Variants in FDFT1 observed in about 807,000 individuals in gnomAD.
FDFT1 encodes the protein squalene synthase.
Under a neutral mutation model 46.8 loss-of-function variants are expected in FDFT1, and 68 were observed. The observed-to-expected ratio is 1.45, with a 90% CI of 1.19 to 1.78. The LOEUF (loss-of-function observed/expected upper bound fraction) is 1.78, where lower values mean the gene tolerates loss of function less well. Among genes scored for constraint, FDFT1 ranks in the 40% most tolerant of loss-of-function variants. The probability of loss-of-function intolerance (pLI) is 0.00; values close to 1 mark genes in which losing one functional copy is unlikely to be tolerated. For missense variants in FDFT1, 928 were observed against 524.4 expected (o/e 1.77, Z -7.52); for synonymous variants, 351 against 185.1 (o/e 1.90, Z -7.28).
chr8:11,810,620 GAT>G (rs1216331287), intron 3 of FDFT1, among the ~76,000 whole-genome samples: 1 of 152,146 alleles, frequency 6.6e-6, no homozygotes, highest in Non-Finnish European at 1.5e-5. Context: ...AAAATCCTAA[GAT>G]TTTTAAAGTC....
chr8:11,820,450 C>A (rs889275768), intron 3 of FDFT1, among the ~76,000 whole-genome samples: 1 of 150,966 alleles, frequency 6.6e-6, no homozygotes, highest in African/African-American at 2.4e-5. Flanking sequence ...TGCCCTGCCC[C>A]CAGAGATGCA....
At chr8:11,799,334 G>A (rs182701235), upstream of FDFT1, among the ~76,000 whole-genome samples, 219 of 152,348 alleles carry the variant, frequency 1.4e-3, 1 homozygote, top group Admixed American at 3.3e-3. Flanking sequence ...GTCTGGTGGA[G>A]CTGCAGGTGT....
At chr8:11,826,930 T>C (rs769303858) in intron 5 of FDFT1, among the ~76,000 whole-genome samples, 1 of 152,118 alleles carries the variant, frequency 6.6e-6, no homozygotes, top group Non-Finnish European at 1.5e-5. Flanking sequence ...ACAGAATGGA[T>C]TTCCCCCAAA....
upstream of FDFT1, chr8:11,802,652 C>G (rs1304520588): frequency 4.9e-6 from 3 of 606,978 alleles, no homozygotes; most frequent in Non-Finnish European, 8.8e-6. Context: ...CGCAGCTAGC[C>G]CCGCTGGCGG....
At chr8:11,796,247 G>T (rs542730624) in intron 1 of FDFT1, among the ~76,000 whole-genome samples, 1 of 152,330 alleles carries the variant, frequency 6.6e-6, no homozygotes. Context: ...TGTGAGGATG[G>T]GGGTTAAGTG....
At chr8:11,802,081 TC>T, upstream of FDFT1, 1 of 455,376 alleles carries the variant, frequency 2.2e-6, no homozygotes. Context: ...AGCTCCTTTT[TC>T]TAGGACTAAG....
chr8:11,831,636 C>G lies in FDFT1; in HGVS notation c.998C>G (p.Ala333Gly). 2 of 1,613,972 alleles carry G rather than the reference C, an allele frequency of 1.2e-6. No individual in the cohort carries two copies. The highest frequency in any genetic ancestry group is 1.7e-6 in the Non-Finnish European group (2 of 1,179,830). Residue 333 changes from alanine (A) to glycine (G), a missense_variant, in exon 7 of 8, where the codon GCT (alanine) becomes GGT (glycine). By Grantham distance (60) the Ala-to-Gly change is moderately conservative. Coordinates refer to ENST00000220584, the MANE Select transcript of FDFT1 (RefSeq NM_004462.5). ...ATGATGGATGCCACCAATATGCCAG[C>G]TGTCAAAGCCATCATATATCAGTAT... ...TLMMDATNMP[A>G]VKAIIYQYME...
Position 11,838,933 on chromosome 8 carries a change from A to G in FDFT1, c.*324A>G, listed in dbSNP as rs1811953404. On this transcript the variant is annotated 3_prime_UTR_variant, in exon 8 of 8. Coordinates refer to ENST00000220584, the MANE Select transcript of FDFT1 (RefSeq NM_004462.5). Reference sequence around the variant, plus strand: ...GATCCTACTTAGTATGATCCTGGCTAGAATGATAATTAAAAGTATTTAATT... The same window carrying G: ...GATCCTACTTAGTATGATCCTGGCTGGAATGATAATTAAAAGTATTTAATT... 1.5e-5 allele frequency: 4 copies of G among 264,940 alleles called. No homozygotes were observed. Among genetic ancestry groups the G allele is most frequent in the South Asian group, 1.1e-4 (2 of 18,152 alleles). The allele number at this position is 264,940 out of a possible 1,614,324, so 16.4% of individuals were successfully genotyped here.
rs1434892367 is a variant in FDFT1 at position 11,839,196 on chromosome 8, CAG to C, written c.*593_*594del. Reference sequence around the variant, plus strand: ...TTCTCATTTAAAGGAGTTTAGCTTTCAGAGAGAAACAGCAGGATTGCTTTTGA... The same window carrying C: ...TTCTCATTTAAAGGAGTTTAGCTTTCAGAGAAACAGCAGGATTGCTTTTGA... On this transcript the variant is annotated 3_prime_UTR_variant, in exon 8 of 8. Coordinates refer to ENST00000220584, the MANE Select transcript of FDFT1 (RefSeq NM_004462.5). 2 of 153,194 alleles carry C rather than the reference CAG, an allele frequency of 1.3e-5. No homozygotes were observed. Among genetic ancestry groups the C allele is most frequent in the Admixed American group, 1.3e-4 (2 of 15,392 alleles). 9.5% of individuals were successfully genotyped at this position (153,194 alleles called of 1,614,324 possible). A position where few individuals can be genotyped will look rare whatever the true frequency, so the allele number is the denominator to read the frequency against.
At chr8:11,826,278 C>G in intron 5 of FDFT1, 63 bp downstream of exon 5, 5 of 1,312,726 alleles carry the variant, frequency 3.8e-6, no homozygotes, top group South Asian at 3.3e-5. Context: ...AATCCTTTAA[C>G]TCTTGTGGTT....
At chr8:11,814,949 A>G (rs868466795) in intron 3 of FDFT1, among the ~76,000 whole-genome samples, 3 of 151,940 alleles carry the variant, frequency 2.0e-5, no homozygotes, top group Non-Finnish European at 2.9e-5. Flanking sequence ...TACATGTGCC[A>G]TGTTGGTTTG....
rs1049350605 is a variant in FDFT1, at chr8:11,832,422, C to T, written c.1032+752C>T. Among the ~76,000 whole-genome samples the T allele has an allele frequency of 1.2e-4, 18 of 151,452 alleles. 1 individual carries two copies. Among genetic ancestry groups the T allele is most frequent in the Admixed American group, 9.2e-4 (14 of 15,174 alleles). ...ATTTAAAAATTGTCATGGTGGTGCA[C>T]GCCTGTGGTCCCAGCTACTCAGGAG... On this transcript the variant is annotated intron_variant, in intron 7 of 7. Coordinates refer to ENST00000220584, the MANE Select transcript of FDFT1 (RefSeq NM_004462.5).
Position 11,802,928 on chromosome 8 carries a change from C to A in FDFT1, c.96C>A (p.Asp32Glu), listed in dbSNP as rs756222133. The A allele has an allele frequency of 5.0e-6, 8 of 1,605,140 alleles. No individual in the cohort carries two copies. Among genetic ancestry groups the A allele is most frequent in the Non-Finnish European group, 6.0e-6 (7 of 1,175,900 alleles). The change falls in exon 1 of 8, where the codon GAC becomes GAA. Residue 32 changes from aspartate (D) to glutamate (E), a missense_variant. Asp to Glu is a conservative substitution (Grantham distance 45). Coordinates refer to ENST00000220584, the MANE Select transcript of FDFT1 (RefSeq NM_004462.5). The part of the protein sequence containing the change: ...GGKRKVMPKM[D>E]QDSLSSSLKT... Reference sequence around the variant, plus strand: ...AGCGGAAGGTGATGCCCAAGATGGACCAGGTGGGCCGAGCCTCCCTGCTTG... The same window carrying A: ...AGCGGAAGGTGATGCCCAAGATGGAACAGGTGGGCCGAGCCTCCCTGCTTG...
At chr8:11,810,874 G>T (rs1360326622) in intron 3 of FDFT1, among the ~76,000 whole-genome samples, 1 of 141,186 alleles carries the variant, frequency 7.1e-6, no homozygotes, top group East Asian at 2.1e-4. Flanking sequence ...TAAGTGGACA[G>T]AGAGTCCTCC....
At position 11,803,404 on chromosome 8, in the gene FDFT1, C is replaced by G. The variant is rs1306171001; in HGVS notation, c.99+473C>G. The G allele has an allele frequency of 3.1e-6, 4 of 1,289,382 alleles. No individual in the cohort carries two copies. The Admixed American group carries it at 6.9e-5, about 22-fold the overall frequency. 79.9% of individuals were successfully genotyped at this position (1,289,382 alleles called of 1,614,324 possible). ...CTCTTCCGGAGCTCTCCCCGCCTTG[C>G]TGCCTTCCATCGCTTCATCCTCGGT... On this transcript the variant is annotated intron_variant, in intron 1 of 7. Transcript: ENST00000220584.
intron 3 of FDFT1, among the ~76,000 whole-genome samples, chr8:11,811,618 G>A (rs1157885851): frequency 6.6e-6 from 1 of 152,314 alleles, no homozygotes; most frequent in Admixed American, 6.5e-5. Flanking sequence ...GAAAAATAAT[G>A]CTTAGTTCTG....
At chr8:11,828,453 C>A (rs551636485) in intron 5 of FDFT1, among the ~76,000 whole-genome samples, 1 of 152,214 alleles carries the variant, frequency 6.6e-6, no homozygotes, top group Admixed American at 6.5e-5. Flanking sequence ...AGGGGATTGT[C>A]TGGGGATGTA....
intron 3 of FDFT1, among the ~76,000 whole-genome samples, chr8:11,813,170 C>T (rs1362529053): frequency 6.6e-6 from 1 of 152,138 alleles, no homozygotes; most frequent in Non-Finnish European, 1.5e-5. Flanking sequence ...CTTAAGGGCC[C>T]ACCATTGTAT....
upstream of FDFT1, among the ~76,000 whole-genome samples, chr8:11,798,675 A>C (rs1805807795): frequency 6.6e-6 from 1 of 152,216 alleles, no homozygotes; most frequent in African/African-American, 2.4e-5. Flanking sequence ...CACGTTAACT[A>C]ACTTTGCATT....
Sources: gnomAD v4.1 joint callset for allele counts (sites outside exome capture counted in the v4.1 genomes callset) on GRCh38, gnomAD v4.1.1 for gene constraint, MANE v1.5 for transcripts, NCBI Gene and HGNC (gene_info 2026-07-23, HGNC 2026-07-21) for gene names.